BABAM2: variants seen among roughly 807,000 people sequenced by gnomAD.
BABAM2 encodes BRISC and BRCA1-A complex member 2.
In BABAM2, 31 loss-of-function variants were observed where a neutral mutation model predicts 54.7. The observed-to-expected ratio is 0.57, with a 90% CI of 0.43 to 0.77. The LOEUF (loss-of-function observed/expected upper bound fraction) is 0.77, where lower values mean the gene tolerates loss of function less well. Among genes scored for constraint, BABAM2 ranks in the 30% least tolerant of loss-of-function variants. The probability of loss-of-function intolerance (pLI) is 0.00; values close to 1 mark genes in which losing one functional copy is unlikely to be tolerated. For synonymous variants in BABAM2, 167 were observed against 162.9 expected, an observed-to-expected ratio of 1.03 and a Z score of -0.19; for missense variants, 364 against 455.8, an observed-to-expected ratio of 0.80 and a Z score of 1.83.
At chr2:28,189,918 T>G (rs1405186401) in intron 7 of BABAM2, among the ~76,000 whole-genome samples, 2 of 152,160 alleles carry the variant, frequency 1.3e-5, no homozygotes, top group Non-Finnish European at 2.9e-5. Context: ...CAAAGCAATA[T>G]GGTATTGGCA....
intron 3 of BABAM2, among the ~76,000 whole-genome samples, chr2:27,947,788 A>T (rs1215634153): frequency 6.6e-6 from 1 of 152,172 alleles, no homozygotes; most frequent in African/African-American, 2.4e-5. Flanking sequence ...TTTGTATACG[A>T]TACAGGTTTT....
In BABAM2 at chr2:28,104,457, A is replaced by G. The variant is rs553539208; in HGVS notation, c.571-24814A>G. Reference sequence around the variant, plus strand: ...GAAAAAATGCTCACCATCACTGGCCATCAGAGAAATGTAAATCAAAACCAC... The same window carrying G: ...GAAAAAATGCTCACCATCACTGGCCGTCAGAGAAATGTAAATCAAAACCAC... On this transcript the variant is annotated intron_variant, in intron 6 of 11. Coordinates refer to ENST00000379624, the MANE Select transcript of BABAM2 (RefSeq NM_199191.3). Among the ~76,000 whole-genome samples the G allele has an allele frequency of 4.6e-5, 7 of 152,370 alleles. No individual in the cohort carries two copies. In the East Asian group the frequency reaches 5.8e-4, roughly 13 times the overall value.
chr2:28,243,393 G>A (rs949547642), intron 9 of BABAM2, among the ~76,000 whole-genome samples: 6 of 152,120 alleles, frequency 3.9e-5, no homozygotes, highest in South Asian at 2.1e-4. Flanking sequence ...TTAGCTGGGC[G>A]TGGTGGCGGG....
At chr2:28,030,324 T>C (rs1441328349) in intron 5 of BABAM2, among the ~76,000 whole-genome samples, 2 of 152,248 alleles carry the variant, frequency 1.3e-5, no homozygotes, top group East Asian at 3.8e-4. Context: ...CTACTACTGC[T>C]ACACTTATCT....
intron 6 of BABAM2, among the ~76,000 whole-genome samples, chr2:28,048,687 T>C (rs940987046): frequency 6.6e-6 from 1 of 152,222 alleles, no homozygotes; most frequent in Non-Finnish European, 1.5e-5. Flanking sequence ...CTGGGCTCAG[T>C]TGTGTACCCC....
At chr2:27,940,406 C>A (rs565610124) in intron 3 of BABAM2, among the ~76,000 whole-genome samples, 3 of 152,276 alleles carry the variant, frequency 2.0e-5, no homozygotes, top group African/African-American at 7.2e-5. Context: ...TATTCCCAAT[C>A]TCTAGTTGAG....
chr2:28,025,337 C>A lies in BABAM2; in HGVS notation c.412C>A (p.Leu138Ile), dbSNP rs1468200971. The A allele has an allele frequency of 1.2e-6, 2 of 1,613,058 alleles. No individual in the cohort carries two copies. The highest frequency in any genetic ancestry group is 2.7e-5 in the African/African-American group (2 of 74,818). Residue 138 changes from leucine to isoleucine, a missense_variant, in exon 5 of 12, where the codon CTC becomes ATC. Leu to Ile is a conservative substitution (Grantham distance 5). Transcript: ENST00000379624. ...TAGCCGCCTCCGGGAGAGCTCCCGC[C>A]TCATGTTTGAATACCAGACATTACT... is the stretch of plus-strand genomic sequence containing the variant. ...QCSRLRESSR[L>I]MFEYQTLLEE... is the part of the protein sequence containing the mutation.
intron 2 of BABAM2, among the ~76,000 whole-genome samples, chr2:27,906,017 A>G (rs967717350): frequency 6.6e-6 from 1 of 152,214 alleles, no homozygotes; most frequent in Non-Finnish European, 1.5e-5. Context: ...TCTTGAGCGG[A>G]TACATGCAAC....
At chr2:28,001,360 C>A (rs1018226242) in intron 4 of BABAM2, among the ~76,000 whole-genome samples, 1 of 152,276 alleles carries the variant, frequency 6.6e-6, no homozygotes, top group East Asian at 1.9e-4. Flanking sequence ...AAGGCTTGCA[C>A]TAGGTGCAAG....
intron 7 of BABAM2, among the ~76,000 whole-genome samples, chr2:28,160,993 C>T (rs946525014): frequency 1.2e-4 from 19 of 152,188 alleles, no homozygotes; most frequent in African/African-American, 3.1e-4. Context: ...AACCATGAGG[C>T]GAGGTTCTCT....
chr2:27,901,433 T>C (rs1015812612), intron 2 of BABAM2, among the ~76,000 whole-genome samples: 30 of 152,250 alleles, frequency 2.0e-4, no homozygotes, highest in African/African-American at 7.2e-4. Flanking sequence ...TGGCTGTGTT[T>C]GGGGCATCTG....
At chr2:28,026,926 A>ATATT in intron 5 of BABAM2, among the ~76,000 whole-genome samples, 1 of 76,488 alleles carries the variant, frequency 1.3e-5, no homozygotes, top group Admixed American at 2.3e-4. Flanking sequence ...TAATATATAT[A>ATATT]AATATATATA....
intron 6 of BABAM2, among the ~76,000 whole-genome samples, chr2:28,095,246 AG>A (rs1372866862): frequency 6.6e-6 from 1 of 152,140 alleles, no homozygotes; most frequent in Non-Finnish European, 1.5e-5. Flanking sequence ...ACATATATCC[AG>A]GAGGCATTTC....
chr2:28,260,167 A>T (rs56124831), intron 10 of BABAM2, among the ~76,000 whole-genome samples: 8,447 of 152,058 alleles, frequency 0.056, 285 homozygotes, highest in South Asian at 0.12. Flanking sequence ...AAGTGCTGAG[A>T]TTACAGGCGT....
chr2:28,172,337 G>C (rs1674432915), intron 7 of BABAM2, among the ~76,000 whole-genome samples: 1 of 152,114 alleles, frequency 6.6e-6, no homozygotes, highest in African/African-American at 2.4e-5. Context: ...AGAGTATGGA[G>C]GATCTCCTCT....
chr2:28,290,265 G>A (rs1248659890), intron 10 of BABAM2, among the ~76,000 whole-genome samples: 1 of 152,168 alleles, frequency 6.6e-6, no homozygotes, highest in Non-Finnish European at 1.5e-5. Context: ...TCCAGTTTTT[G>A]TTATCACAAG....
chr2:28,309,812 G>T, intron 11 of BABAM2: 1 of 399,308 alleles, frequency 2.5e-6, no homozygotes, highest in South Asian at 3.9e-5. Flanking sequence ...AGTTTTCCAG[G>T]CCCAGGCCAA....
Position 28,038,577 on chromosome 2 carries a change from G to A in BABAM2, c.496-7148G>A, listed in dbSNP as rs565012376. ...GTCCCCAGTGTCTGTTGTTCCCATC[G>A]TTATGTGTGTGTGTGCTCAGTGTTT... On this transcript the variant is annotated intron_variant, in intron 5 of 11. Transcript: ENST00000379624. 7.8e-4 allele frequency among the ~76,000 whole-genome samples: 119 copies of A among 151,970 alleles called. 7 individuals are homozygous for A. The South Asian group carries it at 0.024, about 31-fold the overall frequency.
intron 7 of BABAM2, among the ~76,000 whole-genome samples, chr2:28,217,739 A>C (rs183363066): frequency 7.2e-5 from 11 of 152,316 alleles, no homozygotes; most frequent in Admixed American, 7.2e-4. Flanking sequence ...TGACTTTCCT[A>C]CTAGAAGTAA....
Sources: gnomAD v4.1 joint callset for allele counts (sites outside exome capture counted in the v4.1 genomes callset) on GRCh38, gnomAD v4.1.1 for gene constraint, MANE v1.5 for transcripts, NCBI Gene and HGNC (gene_info 2026-07-23, HGNC 2026-07-21) for gene names.